The following FOXP2 variants were observed in gnomAD, a reference collection of about 807,000 sequenced individuals.
FOXP2 encodes the protein forkhead box protein P2.
In FOXP2, 12 loss-of-function variants were observed where a neutral mutation model predicts 115.8. The observed-to-expected ratio is 0.10, with a 90% CI of 0.07 to 0.17. FOXP2 has a LOEUF of 0.17. Among genes scored for constraint, FOXP2 ranks in the 10% least tolerant of loss-of-function variants. The probability of loss-of-function intolerance (pLI) is 1.00; values close to 1 mark genes in which losing one functional copy is unlikely to be tolerated. For synonymous variants in FOXP2, 328 were observed against 297.7 expected (o/e 1.10, Z -1.05); for missense variants, 629 against 843.5 (o/e 0.75, Z 3.15).
intron 3 of FOXP2, among the ~76,000 whole-genome samples, chr7:114,575,385 A>G (rs1418205761): frequency 6.6e-6 from 1 of 151,892 alleles, no homozygotes; most frequent in Non-Finnish European, 1.5e-5. Context: ...TTGGATGTAA[A>G]TTTAAGTGTA....
At chr7:114,329,512 T>G (rs1221632091) in intron 2 of FOXP2, among the ~76,000 whole-genome samples, 1 of 126,264 alleles carries the variant, frequency 7.9e-6, no homozygotes. Context: ...AGAGTGAAAC[T>G]CCATCTCGGA....
chr7:114,165,082 A>C (rs1792939622), intron 1 of FOXP2, among the ~76,000 whole-genome samples: 2 of 152,134 alleles, frequency 1.3e-5, no homozygotes, highest in Admixed American at 6.6e-5. Context: ...GTAGGTAATA[A>C]ATTGAGGTGG....
intron 1 of FOXP2, among the ~76,000 whole-genome samples, chr7:114,255,570 G>T (rs1404487373): frequency 1.3e-5 from 2 of 152,204 alleles, no homozygotes; most frequent in Non-Finnish European, 2.9e-5. Context: ...ACGAGGATCC[G>T]TGGGCGTGGG....
intron 3 of FOXP2, among the ~76,000 whole-genome samples, chr7:114,550,324 G>A (rs1386723693): frequency 1.3e-5 from 2 of 151,906 alleles, no homozygotes; most frequent in African/African-American, 4.8e-5. Flanking sequence ...CACCGTGTTA[G>A]CCAGGATGGT....
At chr7:114,327,641 A>G (rs1420124591) in intron 2 of FOXP2, among the ~76,000 whole-genome samples, 1 of 151,918 alleles carries the variant, frequency 6.6e-6, no homozygotes, top group South Asian at 2.1e-4. Context: ...AGCTGGGACT[A>G]GAGGCATGCA....
intron 2 of FOXP2, among the ~76,000 whole-genome samples, chr7:114,343,035 C>T (rs1471136740): frequency 6.6e-6 from 1 of 151,482 alleles, no homozygotes; most frequent in Non-Finnish European, 1.5e-5. Context: ...TACTTTTCTC[C>T]TTATCCCTAC....
intron 2 of FOXP2, among the ~76,000 whole-genome samples, chr7:114,342,598 G>T (rs1161982326): frequency 6.6e-6 from 1 of 151,366 alleles, no homozygotes; most frequent in Non-Finnish European, 1.5e-5. Context: ...TGTCAAACTG[G>T]TTTCAGATTC....
chr7:114,438,336 C>T (rs1380890917), intron 2 of FOXP2, among the ~76,000 whole-genome samples: 1 of 152,078 alleles, frequency 6.6e-6, no homozygotes, highest in Non-Finnish European at 1.5e-5. Flanking sequence ...TGCAGGTCCC[C>T]TATAAAAGAG....
Position 114,663,434 on chromosome 7 carries a change from A to AT in FOXP2, c.1770-15dup. 6.6e-7 allele frequency: 1 copy of AT among 1,508,964 alleles called. No homozygotes were observed. The highest frequency in any genetic ancestry group is 9.2e-7 in the Non-Finnish European group (1 of 1,090,416). 93.5% of individuals were successfully genotyped at this position (1,508,964 alleles called of 1,614,324 possible). A position where few individuals can be genotyped will look rare whatever the true frequency, so the allele number is the denominator to read the frequency against. On this transcript the variant is annotated splice_polypyrimidine_tract_variant and intron_variant, in intron 14 of 16. Coordinates refer to ENST00000350908, the MANE Select transcript of FOXP2 (RefSeq NM_014491.4). ...ATTTTGACGTATAAATGATCTTTAT[A>AT]TATTTTTTTTTTCAGAAGTCCAACC...
chr7:114,661,540 G>A (rs1321119730), intron 13 of FOXP2, among the ~76,000 whole-genome samples: 1 of 152,068 alleles, frequency 6.6e-6, no homozygotes, highest in East Asian at 1.9e-4. Context: ...ACTTGCATAT[G>A]TCATCTAATA....
At chr7:114,606,881 G>T (rs2129316244) in intron 3 of FOXP2, among the ~76,000 whole-genome samples, 1 of 152,218 alleles carries the variant, frequency 6.6e-6, no homozygotes, top group East Asian at 1.9e-4. Context: ...CTCATTTAAT[G>T]CTCGCAATTA....
chr7:114,441,741 G>T (rs568716432), intron 2 of FOXP2, among the ~76,000 whole-genome samples: 1 of 152,250 alleles, frequency 6.6e-6, no homozygotes, highest in South Asian at 2.1e-4. Flanking sequence ...TGGGCAAGAG[G>T]CATGTAAATG....
At chr7:114,656,412 T>G (rs750908600) in intron 10 of FOXP2, 1 of 356,698 alleles carries the variant, frequency 2.8e-6, no homozygotes, top group South Asian at 2.0e-5. Context: ...AACATTGTTA[T>G]GTATATGTTC....
intron 2 of FOXP2, among the ~76,000 whole-genome samples, chr7:114,309,998 C>T (rs1482621238): frequency 1.3e-5 from 2 of 152,044 alleles, no homozygotes; most frequent in Non-Finnish European, 2.9e-5. Flanking sequence ...CTCTGCTTTT[C>T]TGAGTGGTAG....
chr7:114,144,155 C>T lies in FOXP2; in HGVS notation c.-246-18789C>T, dbSNP rs148374244. On this transcript the variant is annotated intron_variant, in intron 1 of 19. Coordinates refer to the FOXP2 transcript ENST00000635638. Reference sequence around the variant, plus strand: ...GTAGGCTAGGCTAAGCTATGATTTTCGGTAGATTAGGTGTATTCAGCAACG... The same window carrying T: ...GTAGGCTAGGCTAAGCTATGATTTTTGGTAGATTAGGTGTATTCAGCAACG... Among the ~76,000 whole-genome samples, 459 of 152,226 alleles carry T rather than the reference C, an allele frequency of 3.0e-3. 2 individuals carry two copies. Among genetic ancestry groups the T allele is most frequent in the African/African-American group, 0.01 (433 of 41,546 alleles).
At chr7:114,582,847 G>T (rs1360174408) in intron 3 of FOXP2, among the ~76,000 whole-genome samples, 1 of 152,058 alleles carries the variant, frequency 6.6e-6, no homozygotes, top group Non-Finnish European at 1.5e-5. Flanking sequence ...AACTTTAAGA[G>T]AAACCCAATA....
chr7:114,481,761 A>ATT (rs1796548244), intron 2 of FOXP2, among the ~76,000 whole-genome samples: 1 of 129,812 alleles, frequency 7.7e-6, no homozygotes, highest in Admixed American at 8.0e-5. Flanking sequence ...TCATATGGAA[A>ATT]CTCTATCTAT....
chr7:114,484,065 C>T (rs1185054444), intron 2 of FOXP2, among the ~76,000 whole-genome samples: 3 of 151,700 alleles, frequency 2.0e-5, no homozygotes, highest in Non-Finnish European at 3.0e-5. Flanking sequence ...AGTCAGAATT[C>T]CCTATAATAT....
intron 2 of FOXP2, among the ~76,000 whole-genome samples, chr7:114,376,085 A>T (rs1277072200): frequency 6.6e-6 from 1 of 152,178 alleles, no homozygotes; most frequent in South Asian, 2.1e-4. Context: ...CCTTCTCTGT[A>T]TAATCCAAGA....
Sources: gnomAD v4.1 joint callset for allele counts (sites outside exome capture counted in the v4.1 genomes callset) on GRCh38, gnomAD v4.1.1 for gene constraint, MANE v1.5 for transcripts, NCBI Gene and HGNC (gene_info 2026-07-23, HGNC 2026-07-21) for gene names.